CPS1: variants seen among roughly 807,000 people sequenced by gnomAD.
CPS1 encodes carbamoyl-phosphate synthase [ammonia], mitochondrial.
CPS1 carries 109 observed loss-of-function variants against 174.6 expected under a neutral mutation model. That is an observed-to-expected ratio of 0.62 (90% confidence interval 0.53 to 0.73). The LOEUF is 0.73. CPS1 is among the 30% of genes least tolerant of loss of function. The probability of loss-of-function intolerance (pLI) is 0.00; values close to 1 mark genes in which losing one functional copy is unlikely to be tolerated. For missense variants in CPS1, 1,689 were observed against 1,821.9 expected, an observed-to-expected ratio of 0.93 and a Z score of 1.33; for synonymous variants, 637 against 632.0, an observed-to-expected ratio of 1.01 and a Z score of -0.12.
chr2:210,565,493 C>T (rs1490383774), intron 1 of CPS1, among the ~76,000 whole-genome samples: 3 of 151,996 alleles, frequency 2.0e-5, no homozygotes, highest in African/African-American at 7.3e-5. Flanking sequence ...AGTATGTTTA[C>T]ATGTTTTATG....
chr2:210,664,278 T>C lies in CPS1; in HGVS notation c.4002+1081T>C, dbSNP rs1003468392. 4.6e-5 allele frequency among the ~76,000 whole-genome samples: 7 copies of C among 152,274 alleles called. No homozygotes were observed. In the East Asian group the frequency reaches 5.8e-4, roughly 13 times the overall value. ...TACTACTAGTAATGCTGATTTTAGA[T>C]GGCCCAGGGTTCAGATCAGAGAGAG... On this transcript the variant is annotated intron_variant, in intron 33 of 37. Coordinates refer to ENST00000233072, the MANE Select transcript of CPS1 (RefSeq NM_001875.5).
intron 36 of CPS1, among the ~76,000 whole-genome samples, chr2:210,676,565 A>G (rs1701543365): frequency 6.6e-6 from 1 of 152,220 alleles, no homozygotes; most frequent in South Asian, 2.1e-4. Context: ...ATTGTGTTCA[A>G]ACCTTAGCAG....
At chr2:210,676,352 T>G (rs1405641368) in intron 36 of CPS1, among the ~76,000 whole-genome samples, 1 of 152,210 alleles carries the variant, frequency 6.6e-6, no homozygotes, top group Non-Finnish European at 1.5e-5. Context: ...ACATTTTATT[T>G]CAGCAGATTG....
chr2:210,485,903 G>A lies in CPS1; in HGVS notation c.3+8137G>A, dbSNP rs550404850. Among the ~76,000 whole-genome samples, 4 of 152,068 alleles carry A rather than the reference G, an allele frequency of 2.6e-5. No individual in the cohort carries two copies. The South Asian group carries it at 8.3e-4, about 32-fold the overall frequency. On this transcript the variant is annotated intron_variant, in intron 1 of 38. Transcript: ENST00000430249. ...CCACCAGCAGTTTATGAGATTTCTA[G>A]TTCCTCCACGTACTTACTTGTCAAT...
intron 1 of CPS1, among the ~76,000 whole-genome samples, chr2:210,517,500 G>C (rs1231251243): frequency 6.6e-6 from 1 of 151,978 alleles, no homozygotes; most frequent in Non-Finnish European, 1.5e-5. Context: ...GCAATTGTTA[G>C]TGGCCTTGAA....
At chr2:210,519,585 A>G (rs902580635) in intron 1 of CPS1, 1 of 165,148 alleles carries the variant, frequency 6.1e-6, no homozygotes, top group Admixed American at 6.6e-5. Context: ...TTCAGAAATG[A>G]TGGAGAAACT....
intron 26 of CPS1, 136 bp downstream of exon 26, chr2:210,648,193 G>A: frequency 1.2e-6 from 1 of 862,430 alleles, no homozygotes; most frequent in Non-Finnish European, 1.8e-6. Flanking sequence ...ATTTAAAGTT[G>A]TTGTATATCC....
At chr2:210,564,435 C>G (rs1245036860) in intron 1 of CPS1, among the ~76,000 whole-genome samples, 1 of 151,492 alleles carries the variant, frequency 6.6e-6, no homozygotes, top group African/African-American at 2.4e-5. Flanking sequence ...GAGTGCAGTG[C>G]TGCGATCTCG....
intron 21 of CPS1, among the ~76,000 whole-genome samples, chr2:210,620,484 A>G (rs1264447743): frequency 2.0e-5 from 3 of 152,116 alleles, no homozygotes; most frequent in Non-Finnish European, 2.9e-5. Context: ...ATGAAGAAAT[A>G]TCTGAGACTG....
rs569073834 is a variant in CPS1, at chr2:210,640,275, A to G, written c.2959+216A>G. 2.0e-5 allele frequency among the ~76,000 whole-genome samples: 3 copies of G among 152,232 alleles called. No homozygotes were observed. In the South Asian group the frequency reaches 6.2e-4, roughly 32 times the overall value. The stretch of plus-strand genomic sequence containing the variant: ...AATGCAGGTCTCAACTACAAATTCT[A>G]TCTCCTCTCATTTCACTGTGTAACT... On this transcript the variant is annotated intron_variant, in intron 24 of 37. Transcript: ENST00000233072.
At chr2:210,512,641 A>G (rs1440603605) in intron 1 of CPS1, among the ~76,000 whole-genome samples, 1 of 149,516 alleles carries the variant, frequency 6.7e-6, no homozygotes, top group Non-Finnish European at 1.5e-5. Context: ...TATCTTTGCT[A>G]TTCTGAAGAG....
chr2:210,589,209 A>C (rs1698207067), intron 7 of CPS1, among the ~76,000 whole-genome samples: 1 of 152,040 alleles, frequency 6.6e-6, no homozygotes, highest in South Asian at 2.1e-4. Context: ...CTACTTGCTA[A>C]TGCATAATTT....
chr2:210,497,741 G>A (rs1695026496), intron 1 of CPS1, among the ~76,000 whole-genome samples: 1 of 151,812 alleles, frequency 6.6e-6, no homozygotes, highest in South Asian at 2.1e-4. Context: ...TTTTGTGGCT[G>A]TTTAGTATCC....
At chr2:210,504,020 G>A (rs1030454261) in intron 1 of CPS1, among the ~76,000 whole-genome samples, 2 of 152,056 alleles carry the variant, frequency 1.3e-5, no homozygotes, top group Non-Finnish European at 2.9e-5. Flanking sequence ...AAGATGTGTT[G>A]TGATTTTTTT....
chr2:210,584,155 A>G (rs747119411), intron 6 of CPS1, among the ~76,000 whole-genome samples: 3 of 152,120 alleles, frequency 2.0e-5, no homozygotes, highest in Non-Finnish European at 4.4e-5. Flanking sequence ...TTTACTACAT[A>G]CAATGGGAGT....
intron 21 of CPS1, among the ~76,000 whole-genome samples, chr2:210,620,924 T>C (rs1404350617): frequency 2.6e-5 from 4 of 152,064 alleles, no homozygotes; most frequent in Non-Finnish European, 1.5e-5. Context: ...CTTTGAGTGC[T>C]TGCCCCCTCA....
chr2:210,614,803 A>G (rs954007244), intron 20 of CPS1, among the ~76,000 whole-genome samples: 4 of 151,164 alleles, frequency 2.6e-5, no homozygotes, highest in African/African-American at 7.3e-5. Flanking sequence ...CAAGTACCAC[A>G]TGTTCTCACT....
At chr2:210,514,546 C>T (rs752897648) in intron 1 of CPS1, among the ~76,000 whole-genome samples, 1 of 151,776 alleles carries the variant, frequency 6.6e-6, no homozygotes, top group South Asian at 2.1e-4. Flanking sequence ...TGAAACTTTA[C>T]TGAAAGTGTT....
chr2:210,645,745 T>C (rs1325910111), intron 25 of CPS1, among the ~76,000 whole-genome samples: 1 of 152,210 alleles, frequency 6.6e-6, no homozygotes, highest in Non-Finnish European at 1.5e-5. Flanking sequence ...ATCATGCCAC[T>C]GCACTCCAGC....
Sources: gnomAD v4.1 joint callset for allele counts (sites outside exome capture counted in the v4.1 genomes callset) on GRCh38, gnomAD v4.1.1 for gene constraint, MANE v1.5 for transcripts, NCBI Gene and HGNC (gene_info 2026-07-23, HGNC 2026-07-21) for gene names.